CAMKMT: variants seen among roughly 807,000 people sequenced by gnomAD.
The protein encoded by CAMKMT is CaM KMT.
Under a neutral mutation model 48.0 loss-of-function variants are expected in CAMKMT, and 53 were observed. The ratio of observed to expected loss-of-function variants is 1.10; its 90% CI spans 0.89 to 1.39. The LOEUF is 1.39. Ranked by LOEUF, CAMKMT falls within the 40% of genes most tolerant of loss-of-function variation. The probability of loss-of-function intolerance (pLI) is 0.00; values close to 1 mark genes in which losing one functional copy is unlikely to be tolerated. For missense variants in CAMKMT, 428 were observed against 402.7 expected, an observed-to-expected ratio of 1.06 and a Z score of -0.54; for synonymous variants, 165 against 152.3, an observed-to-expected ratio of 1.08 and a Z score of -0.61.
chr2:44,462,329 A>G (rs1667889833), intron 3 of CAMKMT, among the ~76,000 whole-genome samples: 1 of 152,060 alleles, frequency 6.6e-6, no homozygotes, highest in Non-Finnish European at 1.5e-5. Context: ...CTTTCAGATA[A>G]CTCTATGTAT....
intron 3 of CAMKMT, among the ~76,000 whole-genome samples, chr2:44,438,417 A>G (rs558964572): frequency 1.3e-5 from 2 of 152,356 alleles, no homozygotes; most frequent in South Asian, 2.1e-4. Context: ...TATAAAAGCT[A>G]TAACTTTGAG....
chr2:44,499,118 T>C (rs1277105266), intron 3 of CAMKMT, among the ~76,000 whole-genome samples: 1 of 152,214 alleles, frequency 6.6e-6, no homozygotes, highest in Non-Finnish European at 1.5e-5. Context: ...AAAAATGAAT[T>C]ATTTGATTTC....
intron 3 of CAMKMT, among the ~76,000 whole-genome samples, chr2:44,434,253 G>T (rs925361398): frequency 1.3e-5 from 2 of 151,778 alleles, no homozygotes; most frequent in South Asian, 2.1e-4. Flanking sequence ...GTTGGTTGAG[G>T]TTTCCATTGA....
intron 6 of CAMKMT, among the ~76,000 whole-genome samples, chr2:44,710,013 A>G (rs575121756): frequency 6.6e-6 from 1 of 152,036 alleles, no homozygotes; most frequent in South Asian, 2.1e-4. Context: ...CATTTTAAAA[A>G]TTATTTTTTT....
intron 6 of CAMKMT, among the ~76,000 whole-genome samples, chr2:44,708,156 G>A (rs749212824): frequency 6.9e-6 from 1 of 145,314 alleles, no homozygotes; most frequent in Non-Finnish European, 1.5e-5. Flanking sequence ...TTGTTCAGGG[G>A]CAGTTAACAG....
At chr2:44,366,944 C>T (rs976481746) in intron 1 of CAMKMT, among the ~76,000 whole-genome samples, 17 of 151,988 alleles carry the variant, frequency 1.1e-4, no homozygotes, top group African/African-American at 4.1e-4. Context: ...AGGCAGGTCT[C>T]GAACTCCTGA....
chr2:44,720,533 A>G (rs1220918449), intron 7 of CAMKMT, among the ~76,000 whole-genome samples: 1 of 152,208 alleles, frequency 6.6e-6, no homozygotes, highest in Admixed American at 6.5e-5. Flanking sequence ...GAGCCATCTT[A>G]AAAAACTTTT....
chr2:44,474,705 T>C (rs1006074464), intron 3 of CAMKMT, among the ~76,000 whole-genome samples: 1 of 152,226 alleles, frequency 6.6e-6, no homozygotes, highest in Admixed American at 6.5e-5. Flanking sequence ...ATGTTATTCC[T>C]GACCTTCCTC....
chr2:44,649,467 A>G (rs1050347757), intron 3 of CAMKMT, among the ~76,000 whole-genome samples: 2 of 152,088 alleles, frequency 1.3e-5, no homozygotes, highest in South Asian at 2.1e-4. Flanking sequence ...AGCAAGCAGA[A>G]AAACATACTG....
At chr2:44,442,084 G>A (rs1398986576) in intron 3 of CAMKMT, among the ~76,000 whole-genome samples, 1 of 152,124 alleles carries the variant, frequency 6.6e-6, no homozygotes, top group African/African-American at 2.4e-5. Context: ...AGATGTGCTG[G>A]TAGCAGCTTG....
rs1171692695 is a variant in CAMKMT, at chr2:44,690,374, GT to G, written c.377-13907del. On this transcript the variant is annotated intron_variant, in intron 3 of 10. Coordinates refer to ENST00000378494, the MANE Select transcript of CAMKMT (RefSeq NM_024766.5). ...TGATTTGTCCAAAGTCCCCAAATTA[GT>G]TATTGACAGAGCTATGAGAACTAGC... Among the ~76,000 whole-genome samples, 6 of 152,252 alleles carry G rather than the reference GT, an allele frequency of 3.9e-5. No individual in the cohort carries two copies. In the East Asian group the frequency reaches 1.2e-3, roughly 29 times the overall value.
chr2:44,728,483 C>T (rs907429234), intron 7 of CAMKMT, among the ~76,000 whole-genome samples: 1 of 152,136 alleles, frequency 6.6e-6, no homozygotes, highest in African/African-American at 2.4e-5. Context: ...GGAATAGTTT[C>T]AGTAGGATTG....
chr2:44,366,070 T>C (rs1678558147), intron 1 of CAMKMT, among the ~76,000 whole-genome samples: 1 of 152,244 alleles, frequency 6.6e-6, no homozygotes, highest in Non-Finnish European at 1.5e-5. Context: ...CCTAAACTGA[T>C]AGTAAACTTT....
intron 7 of CAMKMT, among the ~76,000 whole-genome samples, chr2:44,727,214 T>C (rs1678838383): frequency 6.6e-6 from 1 of 152,240 alleles, no homozygotes; most frequent in South Asian, 2.1e-4. Flanking sequence ...TTGGGCAGTA[T>C]GGCCATTTTT....
At chr2:44,752,209 A>G (rs930145751) in intron 8 of CAMKMT, among the ~76,000 whole-genome samples, 9 of 151,694 alleles carry the variant, frequency 5.9e-5, no homozygotes, top group African/African-American at 1.9e-4. Context: ...AAGCTCAGTT[A>G]TTATGACCTC....
intron 3 of CAMKMT, among the ~76,000 whole-genome samples, chr2:44,443,710 C>G (rs531131670): frequency 1.1e-4 from 17 of 152,216 alleles, no homozygotes; most frequent in Admixed American, 7.2e-4. Context: ...AGCTTGACTT[C>G]TTCATGTCTG....
In CAMKMT at chr2:44,617,517, T is replaced by C. The variant is rs112530040; in HGVS notation, c.377-86766T>C. ...ATGATACTGATTCAATTGTAAATTA[T>C]TTTGGAATAATTCAAACTATAAAAG... On this transcript the variant is annotated intron_variant, in intron 3 of 10. Coordinates refer to ENST00000378494, the MANE Select transcript of CAMKMT (RefSeq NM_024766.5). 2.1e-3 allele frequency among the ~76,000 whole-genome samples: 313 copies of C among 152,342 alleles called. 1 individual carries two copies. The Middle Eastern group carries it at 0.024, about 12-fold the overall frequency.
At position 44,556,455 on chromosome 2, in the gene CAMKMT, T is replaced by C. The variant is rs1219340645; in HGVS notation, c.377-147828T>C. On this transcript the variant is annotated intron_variant, in intron 3 of 10. Transcript: ENST00000378494. Reference sequence around the variant, plus strand: ...TGTCCAGCCAATTTTTCTTTCTTTTTTTTTTTTTTTTTTTTTTTTTTTTTT... The same window carrying C: ...TGTCCAGCCAATTTTTCTTTCTTTTCTTTTTTTTTTTTTTTTTTTTTTTTT... Among the ~76,000 whole-genome samples the C allele has an allele frequency of 5.8e-4, 21 of 36,080 alleles. 1 individual carries two copies. Among genetic ancestry groups the C allele is most frequent in the Non-Finnish European group, 1.3e-3 (20 of 15,996 alleles). 23.7% of individuals were successfully genotyped at this position (36,080 alleles called of 152,430 possible). A position where few individuals can be genotyped will look rare whatever the true frequency, so the allele number is the denominator to read the frequency against.
chr2:44,494,592 G>A (rs1241158699), intron 3 of CAMKMT, among the ~76,000 whole-genome samples: 2 of 152,062 alleles, frequency 1.3e-5, no homozygotes, highest in Admixed American at 1.3e-4. Flanking sequence ...TCAAAGTGTT[G>A]GATTGTTTTT....
Sources: gnomAD v4.1 joint callset for allele counts (sites outside exome capture counted in the v4.1 genomes callset) on GRCh38, gnomAD v4.1.1 for gene constraint, MANE v1.5 for transcripts, NCBI Gene and HGNC (gene_info 2026-07-23, HGNC 2026-07-21) for gene names.